ANKS1B: variants seen among roughly 807,000 people sequenced by gnomAD.
ANKS1B encodes ankyrin repeat and sterile alpha motif domain-containing protein 1B.
In ANKS1B, 36 loss-of-function variants were observed where a neutral mutation model predicts 148.3. The observed-to-expected ratio is 0.24, with a 90% CI of 0.19 to 0.32. The LOEUF is 0.32. ANKS1B is among the 10% of genes least tolerant of loss of function. ANKS1B has a pLI of 1.00. For missense variants in ANKS1B, 1,157 were observed against 1,542.6 expected (o/e 0.75, Z 4.19); for synonymous variants, 542 against 560.8 (o/e 0.97, Z 0.47).
chr12:99,948,087 G>T (rs995407705), intron 1 of ANKS1B, among the ~76,000 whole-genome samples: 42 of 152,078 alleles, frequency 2.8e-4, no homozygotes, highest in African/African-American at 1.0e-3. Context: ...AAAACCCCTT[G>T]TGCTGTGTAA....
At chr12:99,536,736 C>G (rs1028557882) in intron 9 of ANKS1B, among the ~76,000 whole-genome samples, 1 of 152,034 alleles carries the variant, frequency 6.6e-6, no homozygotes, top group Non-Finnish European at 1.5e-5. Context: ...TATCCAATCC[C>G]TCAAGCATTT....
At chr12:99,916,022 C>A (rs2094160277) in intron 1 of ANKS1B, among the ~76,000 whole-genome samples, 1 of 147,478 alleles carries the variant, frequency 6.8e-6, no homozygotes, top group Admixed American at 6.6e-5. Context: ...GCACAACCTA[C>A]CCCAGTATGA....
intron 17 of ANKS1B, among the ~76,000 whole-genome samples, chr12:98,871,281 C>T (rs1052010765): frequency 6.6e-6 from 1 of 152,128 alleles, no homozygotes; most frequent in African/African-American, 2.4e-5. Context: ...TCTCTTCCCT[C>T]ATAAAGCATG....
intron 12 of ANKS1B, among the ~76,000 whole-genome samples, chr12:99,281,436 C>T (rs570184458): frequency 1.3e-5 from 2 of 152,174 alleles, no homozygotes; most frequent in East Asian, 1.9e-4. Context: ...GGTGCTTTAC[C>T]ATGACCAGTG....
intron 14 of ANKS1B, among the ~76,000 whole-genome samples, chr12:99,219,547 A>G (rs2084761101): frequency 6.6e-6 from 1 of 152,176 alleles, no homozygotes; most frequent in African/African-American, 2.4e-5. Context: ...GAAGTTAAAT[A>G]TTCCTCTCTT....
intron 5 of ANKS1B, among the ~76,000 whole-genome samples, chr12:99,781,771 T>C (rs368673975): frequency 6.6e-6 from 1 of 152,206 alleles, no homozygotes; most frequent in South Asian, 2.1e-4. Flanking sequence ...CTAAAGTACT[T>C]AAGTGCATAA....
chr12:99,778,508 C>CAAA (rs57712696), intron 6 of ANKS1B, among the ~76,000 whole-genome samples: 7 of 57,426 alleles, frequency 1.2e-4, no homozygotes, highest in African/African-American at 3.6e-4. Flanking sequence ...AACTCTTTCT[C>CAAA]AAAAAAAAAA....
intron 10 of ANKS1B, among the ~76,000 whole-genome samples, chr12:99,499,044 A>C (rs577574644): frequency 6.6e-6 from 1 of 152,106 alleles, no homozygotes; most frequent in Non-Finnish European, 1.5e-5. Flanking sequence ...AATGCAAACT[A>C]TTTCCTTACC....
rs1600723700 is a variant in ANKS1B, at chr12:99,134,632, C to G, written c.2526+19657G>C. On this transcript the variant is annotated intron_variant, in intron 15 of 26. Coordinates refer to ENST00000683438, the MANE Select transcript of ANKS1B (RefSeq NM_001352186.2). ...TCTCTGTCTCTATCCCTTTCTGTCT[C>G]TCTCTCTCTCTCTCACACACACACA... Among the ~76,000 whole-genome samples the G allele has an allele frequency of 2.6e-5, 2 of 77,082 alleles. 1 individual carries two copies. Among genetic ancestry groups the G allele is most frequent in the South Asian group, 9.9e-4 (2 of 2,024 alleles). 50.6% of individuals were successfully genotyped at this position (77,082 alleles called of 152,430 possible).
chr12:98,974,047 T>C (rs975940612), intron 17 of ANKS1B, among the ~76,000 whole-genome samples: 34 of 152,184 alleles, frequency 2.2e-4, no homozygotes, highest in African/African-American at 8.0e-4. Flanking sequence ...GACTACTATA[T>C]GGAAAGTCAG....
chr12:99,193,947 G>A (rs117166175), intron 14 of ANKS1B, among the ~76,000 whole-genome samples: 3,289 of 151,448 alleles, frequency 0.022, 58 homozygotes, highest in Non-Finnish European at 0.032. Context: ...GACTATAGGC[G>A]CATGCCCCCA....
At chr12:99,674,682 G>A (rs1351176523) in intron 8 of ANKS1B, among the ~76,000 whole-genome samples, 1 of 151,710 alleles carries the variant, frequency 6.6e-6, no homozygotes, top group Non-Finnish European at 1.5e-5. Context: ...CATGCGAATT[G>A]AAGTCTTCTG....
intron 8 of ANKS1B, among the ~76,000 whole-genome samples, chr12:99,706,126 C>T (rs1750513127): frequency 6.6e-6 from 1 of 151,882 alleles, no homozygotes; most frequent in African/African-American, 2.4e-5. Flanking sequence ...CATGTGTGTG[C>T]TTGTGTGGGG....
chr12:99,442,699 A>G (rs2152793805), intron 11 of ANKS1B, among the ~76,000 whole-genome samples: 1 of 152,118 alleles, frequency 6.6e-6, no homozygotes, highest in East Asian at 1.9e-4. Flanking sequence ...ATCAATGAGG[A>G]TGAAGATTAT....
At chr12:99,313,275 C>T (rs1396183945) in intron 12 of ANKS1B, among the ~76,000 whole-genome samples, 1 of 152,022 alleles carries the variant, frequency 6.6e-6, no homozygotes, top group African/African-American at 2.4e-5. Flanking sequence ...GCAGTAATAG[C>T]CTATCAACTA....
chr12:99,801,831 T>G (rs1223993710), intron 4 of ANKS1B, among the ~76,000 whole-genome samples: 5 of 152,172 alleles, frequency 3.3e-5, no homozygotes, highest in Non-Finnish European at 7.4e-5. Context: ...GAATTAGCCT[T>G]AGATACAAAC....
chr12:99,605,647 C>T (rs1383456449), intron 9 of ANKS1B, among the ~76,000 whole-genome samples: 2 of 152,068 alleles, frequency 1.3e-5, no homozygotes, highest in Non-Finnish European at 2.9e-5. Context: ...ATCCATGTTG[C>T]TAGAAATGAC....
At chr12:99,885,893 T>C (rs1035037456) in intron 1 of ANKS1B, among the ~76,000 whole-genome samples, 1 of 152,216 alleles carries the variant, frequency 6.6e-6, no homozygotes, top group Non-Finnish European at 1.5e-5. Flanking sequence ...CTTAGAATAA[T>C]GGCCCCCAGT....
intron 1 of ANKS1B, among the ~76,000 whole-genome samples, chr12:99,855,143 G>T (rs1459162501): frequency 1.3e-5 from 2 of 152,074 alleles, no homozygotes; most frequent in African/African-American, 4.8e-5. Flanking sequence ...TAAAGTATCT[G>T]CTGTCTTCAA....
Sources: gnomAD v4.1 joint callset for allele counts (sites outside exome capture counted in the v4.1 genomes callset) on GRCh38, gnomAD v4.1.1 for gene constraint, MANE v1.5 for transcripts, NCBI Gene and HGNC (gene_info 2026-07-23, HGNC 2026-07-21) for gene names.